NICN1: variants seen among roughly 807,000 people sequenced by gnomAD.
NICN1 encodes nicolin-1.
NICN1 carries 18 observed loss-of-function variants against 26.3 expected under a neutral mutation model. The observed-to-expected ratio is 0.68, with a 90% CI of 0.47 to 1.01. The LOEUF (loss-of-function observed/expected upper bound fraction) is 1.01. NICN1 is among the 50% of genes least tolerant of loss of function. The pLI is 0.00. For missense variants in NICN1, 239 were observed against 278.3 expected, an observed-to-expected ratio of 0.86 and a Z score of 1.00; for synonymous variants, 109 against 111.0, an observed-to-expected ratio of 0.98 and a Z score of 0.11.
intron 1 of NICN1, among the ~76,000 whole-genome samples, chr3:49,428,508 G>C (rs961299616): frequency 2.6e-5 from 4 of 152,090 alleles, no homozygotes; most frequent in African/African-American, 9.7e-5. Context: ...GATCACCTGA[G>C]GTCGGGAGTT....
chr3:49,426,985 A>G (rs1190212649), intron 1 of NICN1, among the ~76,000 whole-genome samples: 1 of 152,124 alleles, frequency 6.6e-6, no homozygotes, highest in East Asian at 1.9e-4. Flanking sequence ...AAATGTACAT[A>G]TGAGGCCTGA....
chr3:49,427,147 C>T (rs1315640642), intron 1 of NICN1, among the ~76,000 whole-genome samples: 1 of 151,984 alleles, frequency 6.6e-6, no homozygotes, highest in Non-Finnish European at 1.5e-5. Context: ...CAGTGAAACC[C>T]CGTCTCTACT....
chr3:49,424,829 C>A lies in NICN1; in HGVS notation c.*4G>T. The A allele has an allele frequency of 6.2e-7, 1 of 1,613,730 alleles. No homozygotes were observed. The highest frequency in any genetic ancestry group is 8.5e-7 in the Non-Finnish European group (1 of 1,179,714). On this transcript the variant is annotated 3_prime_UTR_variant, in exon 6 of 6. Coordinates refer to ENST00000273598, the MANE Select transcript of NICN1 (RefSeq NM_032316.3). ...AGGCCAACATCTTGGCTAGGAGCAA[C>A]CATTCAAGTGTAGGAGAGCAAGTTC...
At position 49,423,881 on chromosome 3, in the gene NICN1, C is replaced by T. The variant is rs1020997600; in HGVS notation, c.*952G>A. ...TGTTTGTTTGTTTAAGATGGAGTTT[C>T]GCTCTTCTTGCCCAGGCTGGAGTGC... On this transcript the variant is annotated 3_prime_UTR_variant, in exon 6 of 6. Coordinates refer to ENST00000273598, the MANE Select transcript of NICN1 (RefSeq NM_032316.3). The T allele has an allele frequency of 1.1e-4, 16 of 151,394 alleles. No homozygotes were observed. The highest frequency in any genetic ancestry group is 3.6e-4 in the African/African-American group (15 of 41,200). 9.4% of individuals were successfully genotyped at this position (151,394 alleles called of 1,614,324 possible).
At chr3:49,425,847 G>T (rs769443422) in intron 3 of NICN1, 36 bp downstream of exon 3, 1 of 1,201,566 alleles carries the variant, frequency 8.3e-7, no homozygotes, top group African/African-American at 1.5e-5. Flanking sequence ...AGCTTTCTGG[G>T]GAAAGGGCCA....
intron 4 of NICN1, 114 bp downstream of exon 4, chr3:49,425,253 T>C (rs2049161352): frequency 1.1e-6 from 1 of 945,400 alleles, no homozygotes; most frequent in Non-Finnish European, 1.7e-6. Context: ...AGGAGGAAGA[T>C]AACACCCAAG....
chr3:49,425,505 T>C (rs992968443), intron 3 of NICN1, 67 bp from the exon 4 acceptor site: 41 of 1,362,470 alleles, frequency 3.0e-5, no homozygotes, highest in Non-Finnish European at 4.0e-5. Flanking sequence ...GATTCCAAGG[T>C]CCTAGGAGCA....
At position 49,422,787 on chromosome 3, in the gene NICN1, G is replaced by A; in HGVS notation, c.*2046C>T. ...TCAAAGTTCTGGAAAGGGCTGAAAG[G>A]TCTGAATCATACCTTTAGGACCTCA... On this transcript the variant is annotated 3_prime_UTR_variant, in exon 6 of 6. Coordinates refer to ENST00000273598, the MANE Select transcript of NICN1 (RefSeq NM_032316.3). 3 of 439,118 alleles carry A rather than the reference G, an allele frequency of 6.8e-6. No individual in the cohort carries two copies. Among genetic ancestry groups the A allele is most frequent in the South Asian group, 6.1e-5 (3 of 49,058 alleles). The allele number at this position is 439,118 out of a possible 1,614,324, so 27.2% of individuals were successfully genotyped here.
intron 1 of NICN1, 102 bp downstream of exon 1, chr3:49,429,006 C>T: frequency 8.9e-7 from 1 of 1,128,884 alleles, no homozygotes; most frequent in African/African-American, 1.6e-5. Flanking sequence ...GCAAGGAAGA[C>T]GGCAGAGGCT....
At chr3:49,426,147 C>T in intron 2 of NICN1, 105 bp downstream of exon 2, 1 of 1,281,248 alleles carries the variant, frequency 7.8e-7, no homozygotes, top group South Asian at 1.4e-5. Flanking sequence ...AGTCACAGTT[C>T]AGGCCAGACT....
chr3:49,425,783 A>C, intron 3 of NICN1, 100 bp downstream of exon 3: 1 of 639,674 alleles, frequency 1.6e-6, no homozygotes, highest in Non-Finnish European at 2.8e-6. Context: ...TGAAGGCCCC[A>C]TTCACAATCT....
Position 49,422,376 on chromosome 3 carries a change from T to A in NICN1, c.*2457A>T. The stretch of plus-strand genomic sequence containing the variant: ...TCTATCCCACCTGTGCGCAACTAAG[T>A]GGACGACACAAGGCCGGGGGGAATG... On this transcript the variant is annotated 3_prime_UTR_variant, in exon 6 of 6. Coordinates refer to ENST00000273598, the MANE Select transcript of NICN1 (RefSeq NM_032316.3). 2 of 1,612,046 alleles carry A rather than the reference T, an allele frequency of 1.2e-6. No individual in the cohort carries two copies. The highest frequency in any genetic ancestry group is 1.7e-6 in the Non-Finnish European group (2 of 1,179,678).
rs138545966 is a variant in NICN1 at position 49,429,175 on chromosome 3, C to A, written c.65G>T (p.Arg22Leu). 3.7e-6 allele frequency: 6 copies of A among 1,611,274 alleles called. No homozygotes were observed. The African/African-American group carries it at 8.0e-5, about 22-fold the overall frequency. ...CACGCCAGGCCGGCCTTGGGAGGTC[C>A]GCACGTCGCCCACCTGGAGGGCTAC... ...GSVALQVGDV[R>L]TSQGRPGVLV... The change falls in exon 1 of 6, where the codon CGG becomes CTG. Residue 22 changes from arginine to leucine, a missense_variant. Coordinates refer to ENST00000273598, the MANE Select transcript of NICN1 (RefSeq NM_032316.3).
In NICN1 at chr3:49,422,937, C is replaced by A; in HGVS notation, c.*1896G>T. The A allele has an allele frequency of 3.5e-6, 1 of 287,704 alleles. No homozygotes were observed. The highest frequency in any genetic ancestry group is 3.3e-5 in the South Asian group (1 of 30,192). The allele number at this position is 287,704 out of a possible 1,614,324, so 17.8% of individuals were successfully genotyped here. On this transcript the variant is annotated 3_prime_UTR_variant, in exon 6 of 6. Transcript: ENST00000273598. ...CTCCCACCAGGCAGACACAGGCAGC[C>A]AGCAGTCATGCATTCCACAAGTATT...
Position 49,423,936 on chromosome 3 carries a change from A to C in NICN1, c.*897T>G, listed in dbSNP as rs1392293487. ...GCATGATCTCAGGTCCGCAACCTCCACTTCCCGGGTTCAAGAGATTCTCCT... is the reference window on the plus strand; with the variant it reads ...GCATGATCTCAGGTCCGCAACCTCCCCTTCCCGGGTTCAAGAGATTCTCCT... On this transcript the variant is annotated 3_prime_UTR_variant, in exon 6 of 6. Transcript: ENST00000273598. The C allele has an allele frequency of 6.6e-5, 10 of 151,690 alleles. No homozygotes were observed. Among genetic ancestry groups the C allele is most frequent in the Non-Finnish European group, 1.5e-4 (10 of 67,950 alleles). 9.4% of individuals were successfully genotyped at this position (151,690 alleles called of 1,614,324 possible). A position where few individuals can be genotyped will look rare whatever the true frequency, so the allele number is the denominator to read the frequency against.
intron 4 of NICN1, 152 bp from the exon 5 acceptor site, chr3:49,425,205 C>T (rs1220188677): frequency 1.2e-6 from 1 of 817,348 alleles, no homozygotes; most frequent in Non-Finnish European, 2.1e-6. Flanking sequence ...CCTGATGTAG[C>T]CCCACAACAG....
intron 1 of NICN1, 105 bp from the exon 2 acceptor site, chr3:49,426,533 T>C (rs1416614763): frequency 3.4e-5 from 27 of 789,320 alleles, no homozygotes; most frequent in South Asian, 1.8e-4. Context: ...CCTTTTCTTT[T>C]TTTTTTTTTT....
In NICN1 at chr3:49,422,399, A is replaced by G. The variant is rs778523705; in HGVS notation, c.*2434T>C. The G allele has an allele frequency of 5.0e-6, 8 of 1,613,690 alleles. No individual in the cohort carries two copies. In the South Asian group the frequency reaches 7.7e-5, roughly 16 times the overall value. On this transcript the variant is annotated 3_prime_UTR_variant, in exon 6 of 6. Coordinates refer to ENST00000273598, the MANE Select transcript of NICN1 (RefSeq NM_032316.3). ...AGTGGACGACACAAGGCCGGGGGGA[A>G]TGCCTGCAGGCGAAAGCCCAGACGG...
At chr3:49,426,089 G>A (rs1358189004) in intron 2 of NICN1, 93 bp from the exon 3 acceptor site, 2 of 1,126,736 alleles carry the variant, frequency 1.8e-6, no homozygotes, top group Admixed American at 4.3e-5. Flanking sequence ...CCACCCCACA[G>A]GCCTTGGGAA....
Sources: gnomAD v4.1 joint callset for allele counts (sites outside exome capture counted in the v4.1 genomes callset) on GRCh38, gnomAD v4.1.1 for gene constraint, MANE v1.5 for transcripts, NCBI Gene and HGNC (gene_info 2026-07-23, HGNC 2026-07-21) for gene names.